The following TANC1 variants were observed in gnomAD, a reference collection of about 807,000 sequenced individuals.
The protein encoded by TANC1 is tetratricopeptide repeat, ankyrin repeat and coiled-coil containing 1.
TANC1 carries 77 observed loss-of-function variants against 149.7 expected under a neutral mutation model. The ratio of observed to expected loss-of-function variants is 0.51; its 90% CI spans 0.43 to 0.62. The LOEUF (loss-of-function observed/expected upper bound fraction) is 0.62. TANC1 is among the 20% of genes least tolerant of loss of function. The probability of loss-of-function intolerance (pLI) is 0.00; values close to 1 mark genes in which losing one functional copy is unlikely to be tolerated. For missense variants in TANC1, 1,985 were observed against 2,321.8 expected (o/e 0.85, Z 2.98); for synonymous variants, 854 against 925.0 (o/e 0.92, Z 1.39).
chr2:159,082,428 C>T (rs2044373564), intron 3 of TANC1, among the ~76,000 whole-genome samples: 1 of 150,706 alleles, frequency 6.6e-6, no homozygotes, highest in Non-Finnish European at 1.5e-5. Context: ...AAGCATCTTA[C>T]AAATGTTTGC....
At chr2:159,043,030 G>T (rs2040775037) in intron 2 of TANC1, among the ~76,000 whole-genome samples, 1 of 152,178 alleles carries the variant, frequency 6.6e-6, no homozygotes, top group African/African-American at 2.4e-5. Context: ...TTGCTTAAGA[G>T]CAGGTGCTTC....
At chr2:159,000,755 C>T (rs893779442) in intron 1 of TANC1, among the ~76,000 whole-genome samples, 2 of 151,918 alleles carry the variant, frequency 1.3e-5, no homozygotes, top group Non-Finnish European at 2.9e-5. Context: ...AGGCTGTGGT[C>T]ATGAAGCAAG....
At chr2:159,015,420 T>G (rs971491762) in intron 2 of TANC1, among the ~76,000 whole-genome samples, 2 of 152,202 alleles carry the variant, frequency 1.3e-5, no homozygotes, top group Non-Finnish European at 2.9e-5. Context: ...CCTAGGCCTC[T>G]GGGCCTGTGA....
intron 4 of TANC1, among the ~76,000 whole-genome samples, chr2:159,116,895 A>G (rs1197490314): frequency 6.6e-6 from 1 of 152,226 alleles, no homozygotes; most frequent in African/African-American, 2.4e-5. Context: ...ACTTTGCTGA[A>G]GGTTAGACTG....
At chr2:159,093,002 C>T (rs1431725421) in intron 3 of TANC1, among the ~76,000 whole-genome samples, 1 of 152,154 alleles carries the variant, frequency 6.6e-6, no homozygotes, top group East Asian at 1.9e-4. Context: ...AGTCTCCCAT[C>T]TGAGACAGTG....
chr2:159,210,314 A>G (rs1055310668), intron 19 of TANC1, among the ~76,000 whole-genome samples: 9 of 152,206 alleles, frequency 5.9e-5, no homozygotes, highest in African/African-American at 2.2e-4. Flanking sequence ...CTGTAAGCCA[A>G]GCGATCCTGA....
intron 15 of TANC1, among the ~76,000 whole-genome samples, chr2:159,186,663 C>T (rs1340242183): frequency 6.6e-6 from 1 of 152,140 alleles, no homozygotes; most frequent in Non-Finnish European, 1.5e-5. Flanking sequence ...CTCTCATCTG[C>T]CATCTCTCTC....
intron 5 of TANC1, among the ~76,000 whole-genome samples, chr2:159,141,842 A>G (rs191732850): frequency 1.3e-5 from 2 of 152,344 alleles, no homozygotes; most frequent in African/African-American, 2.4e-5. Flanking sequence ...ACACAAGACC[A>G]CAGTATTCTG....
At chr2:159,061,715 C>T (rs1460608687) in intron 2 of TANC1, among the ~76,000 whole-genome samples, 1 of 152,092 alleles carries the variant, frequency 6.6e-6, no homozygotes, top group Admixed American at 6.5e-5. Context: ...ATGAACTTTG[C>T]CATGGGTGAG....
intron 2 of TANC1, among the ~76,000 whole-genome samples, chr2:159,009,874 G>A (rs1268535365): frequency 6.9e-6 from 1 of 144,572 alleles, no homozygotes; most frequent in Non-Finnish European, 1.5e-5. Context: ...CAAAAAGTTA[G>A]CAATAATTTA....
Position 159,231,171 on chromosome 2 carries a change from C to A in TANC1, c.*159C>A, listed in dbSNP as rs889814019. On this transcript the variant is annotated 3_prime_UTR_variant, in exon 27 of 27. Coordinates refer to ENST00000263635, the MANE Select transcript of TANC1 (RefSeq NM_033394.3). ...ATATCTAAAATGTGGGATAAAACTT[C>A]TTTAATAGCTAGAAATCACCATAAA... 6.9e-6 allele frequency: 4 copies of A among 578,186 alleles called. No homozygotes were observed. Among genetic ancestry groups the A allele is most frequent in the Non-Finnish European group, 1.2e-5 (4 of 330,730 alleles). 35.8% of individuals were successfully genotyped at this position (578,186 alleles called of 1,614,324 possible). A position where few individuals can be genotyped will look rare whatever the true frequency, so the allele number is the denominator to read the frequency against.
At chr2:159,039,935 A>G (rs2040496187) in intron 2 of TANC1, among the ~76,000 whole-genome samples, 1 of 152,098 alleles carries the variant, frequency 6.6e-6, no homozygotes, top group Admixed American at 6.6e-5. Context: ...TGTTCTGTCT[A>G]ATATTGACAG....
chr2:159,068,156 G>A (rs1016790487), intron 3 of TANC1, among the ~76,000 whole-genome samples: 1 of 152,188 alleles, frequency 6.6e-6, no homozygotes, highest in African/African-American at 2.4e-5. Flanking sequence ...TCCTGATGAA[G>A]TTATATCACA....
At chr2:159,188,897 C>T (rs1182979674) in intron 16 of TANC1, among the ~76,000 whole-genome samples, 13 of 152,212 alleles carry the variant, frequency 8.5e-5, no homozygotes, top group South Asian at 4.1e-4. Context: ...CGGAAAATTT[C>T]CATATCGTTG....
At chr2:159,118,622 G>C (rs2048538984) in intron 4 of TANC1, among the ~76,000 whole-genome samples, 1 of 152,170 alleles carries the variant, frequency 6.6e-6, no homozygotes, top group African/African-American at 2.4e-5. Flanking sequence ...TCTCAATATA[G>C]ACTGTTAGCC....
chr2:159,180,905 CCTCACAAGAGGGAGAA>C (rs2056403701), intron 14 of TANC1, among the ~76,000 whole-genome samples: 1 of 152,094 alleles, frequency 6.6e-6, no homozygotes, highest in Non-Finnish European at 1.5e-5. Flanking sequence ...TTCATGTGGA[CCTCACAAGAGGGAGAA>C]GCTCCCAGCG....
intron 1 of TANC1, among the ~76,000 whole-genome samples, chr2:158,969,629 T>C (rs1258349414): frequency 6.6e-6 from 1 of 152,216 alleles, no homozygotes; most frequent in Non-Finnish European, 1.5e-5. Context: ...CGCGGCGGCT[T>C]TCCGGAACGC....
intron 2 of TANC1, among the ~76,000 whole-genome samples, chr2:159,030,303 A>G (rs2149475083): frequency 6.6e-6 from 1 of 152,338 alleles, no homozygotes; most frequent in African/African-American, 2.4e-5. Flanking sequence ...ATTACTAGGT[A>G]TTACAAAAAT....
At chr2:159,093,831 A>C (rs1314854009) in intron 3 of TANC1, among the ~76,000 whole-genome samples, 1 of 151,614 alleles carries the variant, frequency 6.6e-6, no homozygotes, top group South Asian at 2.1e-4. Flanking sequence ...GAAGGTCCTC[A>C]TGCTTACAGC....
Sources: gnomAD v4.1 joint callset for allele counts (sites outside exome capture counted in the v4.1 genomes callset) on GRCh38, gnomAD v4.1.1 for gene constraint, MANE v1.5 for transcripts, NCBI Gene and HGNC (gene_info 2026-07-23, HGNC 2026-07-21) for gene names.